Variants in SYNPR observed in about 807,000 individuals in gnomAD.
SYNPR encodes the protein synaptoporin.
SYNPR carries 23 observed loss-of-function variants against 32.9 expected under a neutral mutation model. The observed-to-expected ratio is 0.70, with a 90% CI of 0.50 to 0.99. The LOEUF (loss-of-function observed/expected upper bound fraction) is 0.99. Ranked by LOEUF, SYNPR falls within the 50% of genes least tolerant of loss-of-function variation. SYNPR has a pLI of 0.00. For missense variants in SYNPR, 318 were observed against 349.3 expected (o/e 0.91, Z 0.71); for synonymous variants, 146 against 135.9 (o/e 1.07, Z -0.52).
chr3:63,419,851 C>A (rs1189690428), intron 2 of SYNPR, among the ~76,000 whole-genome samples: 1 of 152,172 alleles, frequency 6.6e-6, no homozygotes, highest in South Asian at 2.1e-4. Context: ...TTTTAGACAT[C>A]AGCTCATAAG....
chr3:63,372,380 A>T (rs535425488), intron 2 of SYNPR, among the ~76,000 whole-genome samples: 1 of 150,698 alleles, frequency 6.6e-6, no homozygotes, highest in Non-Finnish European at 1.5e-5. Flanking sequence ...GGGAGCTCCC[A>T]GAGGCAACTG....
At chr3:63,519,878 G>GAAAGTATAA (rs910464865) in intron 3 of SYNPR, among the ~76,000 whole-genome samples, 223 of 152,224 alleles carry the variant, frequency 1.5e-3, no homozygotes, top group African/African-American at 5.2e-3. Context: ...AACCAAAAAA[G>GAAAGTATAA]AAAGTATAAA....
intron 2 of SYNPR, among the ~76,000 whole-genome samples, chr3:63,297,838 G>T (rs977103865): frequency 5.3e-5 from 8 of 152,122 alleles, no homozygotes; most frequent in African/African-American, 1.9e-4. Flanking sequence ...CACAGGACTG[G>T]TTGAGTCATG....
intron 5 of SYNPR, among the ~76,000 whole-genome samples, chr3:63,610,947 T>C (rs1252183970): frequency 6.6e-6 from 1 of 152,174 alleles, no homozygotes; most frequent in Non-Finnish European, 1.5e-5. Context: ...GTGATGTGTG[T>C]GAAAGGACAG....
rs59802344 is a variant in SYNPR, at chr3:63,579,788, AACACACAC to A, written c.408+23076_408+23083del. Among the ~76,000 whole-genome samples the A allele has an allele frequency of 5.4e-3, 788 of 146,120 alleles. 10 individuals are homozygous for A. The highest frequency in any genetic ancestry group is 0.037 in the East Asian group (179 of 4,892). ...AGGTTGGTTCCTCATATTTAACTAA[AACACACAC>A]ACACACACACACACACACACACACA... On this transcript the variant is annotated intron_variant, in intron 4 of 5. Coordinates refer to ENST00000478300, the MANE Select transcript of SYNPR (RefSeq NM_001130003.2).
chr3:63,553,305 G>A (rs1046388705), intron 3 of SYNPR, among the ~76,000 whole-genome samples: 1 of 152,168 alleles, frequency 6.6e-6, no homozygotes, highest in Non-Finnish European at 1.5e-5. Flanking sequence ...ATTCCGTGGG[G>A]TATATGTGCC....
intron 2 of SYNPR, among the ~76,000 whole-genome samples, chr3:63,454,551 G>A (rs1172936978): frequency 1.3e-5 from 2 of 152,104 alleles, no homozygotes. Flanking sequence ...TCCATTAAGG[G>A]AGAGAAACTA....
intron 3 of SYNPR, among the ~76,000 whole-genome samples, chr3:63,517,914 A>C (rs1419756096): frequency 6.6e-6 from 1 of 152,196 alleles, no homozygotes; most frequent in Non-Finnish European, 1.5e-5. Context: ...TAGGGAAATA[A>C]AATTATAGCA....
chr3:63,411,745 G>A (rs549280239), intron 2 of SYNPR, among the ~76,000 whole-genome samples: 13 of 152,172 alleles, frequency 8.5e-5, no homozygotes, highest in Non-Finnish European at 1.6e-4. Flanking sequence ...AAGAGAAGAG[G>A]GAAGAATGGA....
At chr3:63,379,688 T>TC (rs1185211667) in intron 2 of SYNPR, among the ~76,000 whole-genome samples, 4 of 152,192 alleles carry the variant, frequency 2.6e-5, no homozygotes, top group African/African-American at 9.7e-5. Context: ...TCTTTTGCTT[T>TC]CTTTTTTTTA....
Position 63,333,494 on chromosome 3 carries a change from G to A in SYNPR, c.84+54752G>A, listed in dbSNP as rs575352427. 1.4e-4 allele frequency among the ~76,000 whole-genome samples: 22 copies of A among 152,174 alleles called. No homozygotes were observed. In the East Asian group the frequency reaches 3.9e-3, roughly 27 times the overall value. On this transcript the variant is annotated intron_variant, in intron 2 of 5. Coordinates refer to ENST00000478300, the MANE Select transcript of SYNPR (RefSeq NM_001130003.2). ...TGCAGTGAAGTGATCACAGTTCACC[G>A]CACCCTCAACCTCCTGAGCTCAAGT...
intron 4 of SYNPR, among the ~76,000 whole-genome samples, chr3:63,588,601 T>C (rs1703235617): frequency 6.6e-6 from 1 of 152,134 alleles, no homozygotes; most frequent in Non-Finnish European, 1.5e-5. Context: ...AATTTCCAGA[T>C]TCACTTTTGA....
intron 2 of SYNPR, among the ~76,000 whole-genome samples, chr3:63,460,500 C>A (rs1250866866): frequency 7.3e-6 from 1 of 137,808 alleles, no homozygotes; most frequent in African/African-American, 2.8e-5. Flanking sequence ...AGCACTTGAA[C>A]TGAGTCTTAA....
chr3:63,615,714 G>A lies in SYNPR; in HGVS notation c.*233G>A. On this transcript the variant is annotated 3_prime_UTR_variant, in exon 6 of 6. Transcript: ENST00000478300. ...TAGATGGCTAATTGGAGAGTACCTT[G>A]TTATATATACAGATACTTTCATGGT... The A allele has an allele frequency of 2.0e-6, 1 of 501,320 alleles. No homozygotes were observed. The highest frequency in any genetic ancestry group is 3.5e-6 in the Non-Finnish European group (1 of 287,986). The allele number at this position is 501,320 out of a possible 1,614,324, so 31.1% of individuals were successfully genotyped here. A position where few individuals can be genotyped will look rare whatever the true frequency, so the allele number is the denominator to read the frequency against.
chr3:63,254,391 A>G (rs1438644330), intron 2 of SYNPR, among the ~76,000 whole-genome samples: 3 of 152,218 alleles, frequency 2.0e-5, no homozygotes, highest in African/African-American at 7.2e-5. Context: ...AAGATCTACT[A>G]GTACGTCGTG....
intron 3 of SYNPR, among the ~76,000 whole-genome samples, chr3:63,503,307 T>C (rs966786092): frequency 7.2e-5 from 11 of 152,170 alleles, no homozygotes; most frequent in African/African-American, 2.7e-4. Flanking sequence ...TGTTTCCTTA[T>C]TGTTGAGGTT....
the SYNPR span, among the ~76,000 whole-genome samples, chr3:63,220,916 A>T: frequency 6.6e-6 from 1 of 152,166 alleles, no homozygotes; most frequent in Non-Finnish European, 1.5e-5. Flanking sequence ...CTGTTAACTT[A>T]GTTAACAGTT....
intron 2 of SYNPR, among the ~76,000 whole-genome samples, chr3:63,436,828 G>A (rs73849129): frequency 6.8e-6 from 1 of 147,018 alleles, no homozygotes; most frequent in Non-Finnish European, 1.5e-5. Context: ...TATTCCAGCG[G>A]GGGAAGACTG....
chr3:63,384,083 A>G (rs1050353529), intron 2 of SYNPR, among the ~76,000 whole-genome samples: 1 of 152,370 alleles, frequency 6.6e-6, no homozygotes, highest in Non-Finnish European at 1.5e-5. Context: ...TCAAAGTATC[A>G]CATCAATTTG....
Sources: gnomAD v4.1 joint callset for allele counts (sites outside exome capture counted in the v4.1 genomes callset) on GRCh38, gnomAD v4.1.1 for gene constraint, MANE v1.5 for transcripts, NCBI Gene and HGNC (gene_info 2026-07-23, HGNC 2026-07-21) for gene names.